The following FANCB variants were observed in gnomAD, a reference collection of about 807,000 sequenced individuals.
FANCB encodes the protein FA complementation group B.
In FANCB, 5 loss-of-function variants were observed where a neutral mutation model predicts 38.9. That is an observed-to-expected ratio of 0.13 (90% CI 0.07 to 0.27). The LOEUF is 0.27. Among genes scored for constraint, FANCB ranks in the 10% least tolerant of loss-of-function variants. The pLI, the probability that FANCB is intolerant of heterozygous loss-of-function variation, is 1.00. For synonymous variants in FANCB, 236 were observed against 215.4 expected (o/e 1.10, Z -0.84); for missense variants, 573 against 602.7 (o/e 0.95, Z 0.52).
the FANCB span, among the ~76,000 whole-genome samples, chrX:14,772,130 G>A: frequency 9.0e-6 from 1 of 111,426 alleles, no homozygotes; most frequent in African/African-American, 3.3e-5. Flanking sequence ...CAGATGTGCT[G>A]TGTTGGGGGC....
the FANCB span, among the ~76,000 whole-genome samples, chrX:14,781,841 T>C: frequency 8.9e-6 from 1 of 112,263 alleles, no homozygotes. Flanking sequence ...ATTAATATTC[T>C]AAAAGCAAGG....
chrX:14,806,541 A>G, the FANCB span, among the ~76,000 whole-genome samples: 974 of 111,855 alleles, frequency 8.7e-3, 73 homozygotes, highest in East Asian at 0.2. Context: ...AGCAGGCCAC[A>G]GTGTAGACTG....
chrX:14,821,170 T>C, the FANCB span, among the ~76,000 whole-genome samples: 1,279 of 111,830 alleles, frequency 0.011, 17 homozygotes, highest in African/African-American at 0.039. Context: ...AAAATTAAGA[T>C]TGTTTTGCCA....
At position 14,845,029 on chromosome X, in the gene FANCB, G is replaced by A. The variant is rs772448306; in HGVS notation, c.1754C>T (p.Ser585Leu). The change falls in exon 8 of 10, where the codon TCA (serine) becomes TTA (leucine). Residue 585 changes from serine (S) to leucine (L), a missense_variant. Coordinates refer to ENST00000650831, the MANE Select transcript of FANCB (RefSeq NM_001018113.3). ...AAATTTACTGAATGTTAAAAGTGGT[G>A]AAAGAGATGTTACAGCAGTAATTAT... The part of the protein sequence containing the change: ...VQIITAVTSL[S>L]PLLTFSKFCC... The A allele has an allele frequency of 4.1e-5, 49 of 1,207,774 alleles. No homozygotes were observed. The highest frequency in any genetic ancestry group is 5.4e-5 in the Non-Finnish European group (48 of 893,114).
chrX:14,770,774 G>A, the FANCB span, among the ~76,000 whole-genome samples: 1 of 112,079 alleles, frequency 8.9e-6, no homozygotes, highest in African/African-American at 3.2e-5. Flanking sequence ...ACTGATAATG[G>A]TTTTTCCTTT....
At chrX:14,793,353 G>A in the FANCB span, among the ~76,000 whole-genome samples, 2 of 112,003 alleles carry the variant, frequency 1.8e-5, no homozygotes, top group Non-Finnish European at 3.8e-5. Context: ...TCTAGAGTTA[G>A]CAAATGTGTA....
chrX:14,779,604 C>T, the FANCB span, among the ~76,000 whole-genome samples: 1 of 112,064 alleles, frequency 8.9e-6, no homozygotes, highest in Non-Finnish European at 1.9e-5. Context: ...ATGCCAGTGC[C>T]TTAATCTTGG....
the FANCB span, among the ~76,000 whole-genome samples, chrX:14,703,361 G>T: frequency 9.0e-6 from 1 of 111,303 alleles, no homozygotes. Flanking sequence ...GGGGAAAGTT[G>T]TTCAAAGCCA....
chrX:14,792,815 T>C, the FANCB span, among the ~76,000 whole-genome samples: 7 of 111,688 alleles, frequency 6.3e-5, no homozygotes, highest in Non-Finnish European at 1.3e-4. Flanking sequence ...AGGGCATTAG[T>C]TGTATTTCAC....
chrX:14,787,163 C>T, the FANCB span, among the ~76,000 whole-genome samples: 1 of 110,970 alleles, frequency 9.0e-6, no homozygotes, highest in Non-Finnish European at 1.9e-5. Flanking sequence ...TGATTAAAGT[C>T]TGTCATCAAT....
At chrX:14,730,443 C>G in the FANCB span, 1 of 1,206,890 alleles carries the variant, frequency 8.3e-7, no homozygotes, top group Non-Finnish European at 1.1e-6. Context: ...TTTACTGGAT[C>G]ACATACAAGA....
chrX:14,854,113 A>C (rs1215181353), intron 5 of FANCB, among the ~76,000 whole-genome samples: 3 of 112,145 alleles, frequency 2.7e-5, no homozygotes, highest in Non-Finnish European at 5.6e-5. Flanking sequence ...ACCTTATTGC[A>C]CAAAGTATGT....
the FANCB span, among the ~76,000 whole-genome samples, chrX:14,814,713 C>G: frequency 8.9e-6 from 1 of 112,283 alleles, no homozygotes; most frequent in Non-Finnish European, 1.9e-5. Context: ...TGCTTTTACA[C>G]TGTTGGTGGG....
At chrX:14,734,638 C>G in the FANCB span, among the ~76,000 whole-genome samples, 1 of 112,018 alleles carries the variant, frequency 8.9e-6, no homozygotes, top group Non-Finnish European at 1.9e-5. Flanking sequence ...CAACCTTTCT[C>G]TCTGGCTGCC....
In FANCB at chrX:14,861,050, T is replaced by C. The variant is rs6631236; in HGVS notation, c.952-1716A>G. Among the ~76,000 whole-genome samples, 9 of 111,214 alleles carry C rather than the reference T, an allele frequency of 8.1e-5. No homozygotes were observed. The East Asian group carries it at 2.0e-3, about 24-fold the overall frequency. On this transcript the variant is annotated intron_variant, in intron 3 of 9. Transcript: ENST00000650831. ...GGCATATGCCACCACGCCCAGCTAA[T>C]TTTTTAATTTTTTGTACAGATGGGG...
chrX:14,849,245 A>C (rs1427118129), intron 7 of FANCB, among the ~76,000 whole-genome samples: 1 of 111,937 alleles, frequency 8.9e-6, no homozygotes, highest in Non-Finnish European at 1.9e-5. Flanking sequence ...ACAAGAATGC[A>C]AGACTGATTT....
intron 3 of FANCB, among the ~76,000 whole-genome samples, chrX:14,861,564 C>CCACCTTATTATTTAATAAGGTATT (rs1238644505): frequency 4.5e-5 from 5 of 110,978 alleles, no homozygotes; most frequent in Admixed American, 9.6e-5. Context: ...TATCAAAGAC[C>CCACCTTATTATTTAATAAGGTATT]CACCTTATTA....
the FANCB span, among the ~76,000 whole-genome samples, chrX:14,738,358 T>C: frequency 2.7e-5 from 3 of 112,288 alleles, no homozygotes; most frequent in Non-Finnish European, 5.6e-5. Flanking sequence ...AGTTCAAAAG[T>C]ACAATTATGG....
chrX:14,760,719 A>G, the FANCB span, among the ~76,000 whole-genome samples: 1,269 of 111,968 alleles, frequency 0.011, 14 homozygotes, highest in African/African-American at 0.038. Context: ...CTGTAATCCC[A>G]GCACTTTGGG....
Sources: gnomAD v4.1 joint callset for allele counts (sites outside exome capture counted in the v4.1 genomes callset) on GRCh38, gnomAD v4.1.1 for gene constraint, MANE v1.5 for transcripts, NCBI Gene and HGNC (gene_info 2026-07-23, HGNC 2026-07-21) for gene names.